CSAD: variants seen among roughly 807,000 people sequenced by gnomAD.
CSAD encodes P-selectin cytoplasmic tail-associated protein.
In CSAD, 47 loss-of-function variants were observed where a neutral mutation model predicts 61.5. That is an observed-to-expected ratio of 0.76 (90% CI 0.60 to 0.97). The LOEUF is 0.97. Ranked by LOEUF, CSAD falls within the 50% of genes least tolerant of loss-of-function variation. The pLI, the probability that CSAD is intolerant of heterozygous loss-of-function variation, is 0.00. For missense variants in CSAD, 611 were observed against 643.6 expected, an observed-to-expected ratio of 0.95 and a Z score of 0.55; for synonymous variants, 245 against 252.7, an observed-to-expected ratio of 0.97 and a Z score of 0.29.
At chr12:53,161,825 G>T (rs1286703267) in intron 10 of CSAD, among the ~76,000 whole-genome samples, 2 of 151,950 alleles carry the variant, frequency 1.3e-5, no homozygotes, top group African/African-American at 4.8e-5. Flanking sequence ...GCCAAGTGTA[G>T]TGGGCATGCC....
intron 4 of CSAD, 195 bp downstream of exon 4, chr12:53,173,150 G>A: frequency 1.8e-6 from 1 of 541,556 alleles, no homozygotes; most frequent in Non-Finnish European, 3.2e-6. Context: ...GGAGGTTGCA[G>A]TGAGCCAAGA....
intron 10 of CSAD, among the ~76,000 whole-genome samples, chr12:53,163,301 G>A (rs1180938575): frequency 1.3e-5 from 2 of 152,092 alleles, no homozygotes; most frequent in Non-Finnish European, 2.9e-5. Flanking sequence ...GAGCCCAGGT[G>A]GTCAAGGCTG....
Position 53,170,129 on chromosome 12 carries a change from GA to G in CSAD, c.648-4del, listed in dbSNP as rs765016890. The stretch of plus-strand genomic sequence containing the variant: ...GATCCTCGGGGACCATTTTCCCTCT[GA>G]AAAAGAAAATGCAGAGGGTAGAGCA... On this transcript the variant is annotated splice_polypyrimidine_tract_variant and splice_region_variant and intron_variant, in intron 9 of 16. Transcript: ENST00000444623. 1.9e-5 allele frequency: 30 copies of G among 1,613,674 alleles called. No homozygotes were observed. Among genetic ancestry groups the G allele is most frequent in the Non-Finnish European group, 2.5e-5 (30 of 1,179,852 alleles).
intron 10 of CSAD, among the ~76,000 whole-genome samples, 168 bp downstream of exon 10, chr12:53,169,904 G>A (rs1490427663): frequency 1.3e-5 from 2 of 152,178 alleles, no homozygotes; most frequent in African/African-American, 2.4e-5. Flanking sequence ...CAGAGCCCCA[G>A]AAAGCAATGT....
chr12:53,157,678 A>C lies in CSAD; in HGVS notation c.*833T>G, dbSNP rs2121351431. 6.6e-6 allele frequency: 1 copy of C among 152,332 alleles called. No individual in the cohort carries two copies. The highest frequency in any genetic ancestry group is 1.5e-5 in the Non-Finnish European group (1 of 68,032). The allele number at this position is 152,332 out of a possible 1,614,324, so 9.4% of individuals were successfully genotyped here. Reference sequence around the variant, plus strand: ...ACCAAAAGAATGCAGTTGAAATTTTAACTTTATTATTTTCCTATTACAAAA... The same window carrying C: ...ACCAAAAGAATGCAGTTGAAATTTTCACTTTATTATTTTCCTATTACAAAA... On this transcript the variant is annotated 3_prime_UTR_variant, in exon 17 of 17. Transcript: ENST00000444623.
At chr12:53,172,089 G>A in intron 6 of CSAD, 101 bp from the exon 7 acceptor site, 4 of 837,830 alleles carry the variant, frequency 4.8e-6, no homozygotes, top group South Asian at 1.6e-5. Flanking sequence ...AGTGAAGAGT[G>A]AGCAAAGCAA....
chr12:53,173,759 C>T lies in CSAD; in HGVS notation c.-38G>A. 1.2e-6 allele frequency: 2 copies of T among 1,613,284 alleles called. No homozygotes were observed. Among genetic ancestry groups the T allele is most frequent in the Non-Finnish European group, 1.7e-6 (2 of 1,179,436 alleles). On this transcript the variant is annotated 5_prime_UTR_variant, in exon 3 of 17. Coordinates refer to ENST00000444623, the MANE Select transcript of CSAD (RefSeq NM_001244705.2). ...GCTCAGGAGAGCCGGAGGCAGGGTG[C>T]ACAGGTAGCTCCTCAGGACAGCAGG...
rs73309141 is a variant in CSAD, at chr12:53,165,703, C to A, written c.703-4314G>T. 2.8e-3 allele frequency among the ~76,000 whole-genome samples: 425 copies of A among 150,968 alleles called. 3 individuals carry two copies. Among genetic ancestry groups the A allele is most frequent in the African/African-American group, 9.2e-3 (379 of 41,194 alleles). ...AAAAGAAGAAGAAGAAAATAACAAG[C>A]GTTGACAAGGATGTGAATAAATTAG... is the stretch of plus-strand genomic sequence containing the variant. On this transcript the variant is annotated intron_variant, in intron 10 of 16. Transcript: ENST00000444623.
intron 10 of CSAD, among the ~76,000 whole-genome samples, chr12:53,166,689 A>G (rs1318537047): frequency 6.6e-6 from 1 of 152,058 alleles, no homozygotes; most frequent in East Asian, 1.9e-4. Context: ...CCAGCTACTC[A>G]GGAGGCTGAG....
intron 16 of CSAD, 51 bp from the exon 17 acceptor site, chr12:53,158,735 G>A: frequency 6.4e-7 from 1 of 1,570,358 alleles, no homozygotes; most frequent in Non-Finnish European, 8.7e-7. Context: ...CGGCTGACAG[G>A]TAGGCTGGCT....
chr12:53,179,625 A>C (rs1357012186), intron 1 of CSAD: 1 of 657,792 alleles, frequency 1.5e-6, no homozygotes, highest in Non-Finnish European at 2.6e-6. Flanking sequence ...ACGTACTTTC[A>C]ATGGCCCAAA....
intron 2 of CSAD, among the ~76,000 whole-genome samples, chr12:53,178,641 A>G (rs1941288825): frequency 6.6e-6 from 1 of 151,996 alleles, no homozygotes; most frequent in Non-Finnish European, 1.5e-5. Context: ...AAAAATACAA[A>G]AAAATTAGCC....
intron 13 of CSAD, 86 bp from the exon 14 acceptor site, chr12:53,160,405 G>A: frequency 7.5e-7 from 1 of 1,340,382 alleles, no homozygotes; most frequent in Non-Finnish European, 1.1e-6. Context: ...CTTAGCTCAG[G>A]ATACCCTCTT....
rs1938853698 is a variant in CSAD at position 53,158,650 on chromosome 12, T to C, written c.1343A>G (p.Glu448Gly). The C allele has an allele frequency of 6.2e-7, 1 of 1,614,122 alleles. No homozygotes were observed. Among genetic ancestry groups the C allele is most frequent in the East Asian group, 2.2e-5 (1 of 44,888 alleles). ...APVLKERMVK[E>G]GSMMIGYQPH... ...CTGGTAGCCAATCATCATGGAGCCC[T>C]CCTTCACCATGCGCTCCTTGAGCAC... Residue 448 changes from glutamate to glycine, a missense_variant, in exon 17 of 17, where the codon GAG (glutamate) becomes GGG (glycine). Physicochemically the swap from Glu to Gly is moderately conservative, Grantham distance 98. Transcript: ENST00000444623.
chr12:53,180,274 G>T (rs1941471783), intron 1 of CSAD: 1 of 985,318 alleles, frequency 1.0e-6, no homozygotes, highest in Non-Finnish European at 1.2e-6. Flanking sequence ...CACCTCGGCC[G>T]AGTTACGTGA....
At chr12:53,171,807 A>T (rs1940615661) in intron 7 of CSAD, 75 bp downstream of exon 7, 1 of 1,013,932 alleles carries the variant, frequency 9.9e-7, no homozygotes, top group African/African-American at 1.6e-5. Context: ...CCTGCCAGAC[A>T]CTAGAGCAAG....
chr12:53,159,630 A>G lies in CSAD; in HGVS notation c.1301T>C (p.Leu434Pro). The part of the protein sequence containing the change: ...KQESPDYHER[L>P]SKVAPVLKER... ...GCAGCACAGCACGCCTACCTTTGAC[A>G]GCCTTTCGTGGTAATCTGGACTCTC... Residue 434 changes from leucine to proline, a missense_variant, in exon 16 of 17, where the codon CTG becomes CCG. Transcript: ENST00000444623. The G allele has an allele frequency of 6.2e-7, 1 of 1,610,498 alleles. No individual in the cohort carries two copies. Among genetic ancestry groups the G allele is most frequent in the Non-Finnish European group, 8.5e-7 (1 of 1,178,438 alleles).
chr12:53,158,461 ACT>A lies in CSAD; in HGVS notation c.*48_*49del, dbSNP rs1353026663. ...TCAAAGGCTGGGAGGGAATGCAGTG[ACT>A]CTGCGGGTGAGGGGTGGTATCAAGG... On this transcript the variant is annotated 3_prime_UTR_variant, in exon 17 of 17. Coordinates refer to ENST00000444623, the MANE Select transcript of CSAD (RefSeq NM_001244705.2). The A allele has an allele frequency of 2.5e-5, 40 of 1,572,018 alleles. No homozygotes were observed. Among genetic ancestry groups the A allele is most frequent in the Non-Finnish European group, 3.2e-5 (37 of 1,150,134 alleles).
At chr12:53,163,315 T>C (rs1427464252) in intron 10 of CSAD, among the ~76,000 whole-genome samples, 2 of 152,150 alleles carry the variant, frequency 1.3e-5, no homozygotes, top group Non-Finnish European at 2.9e-5. Flanking sequence ...AAGGCTGCAG[T>C]GAGCCCTGAT....
Sources: gnomAD v4.1 joint callset for allele counts (sites outside exome capture counted in the v4.1 genomes callset) on GRCh38, gnomAD v4.1.1 for gene constraint, MANE v1.5 for transcripts, NCBI Gene and HGNC (gene_info 2026-07-23, HGNC 2026-07-21) for gene names.